The following P4HB variants were observed in gnomAD, a reference collection of about 807,000 sequenced individuals.
P4HB encodes protein disulfide-isomerase.
In P4HB, 20 loss-of-function variants were observed where a neutral mutation model predicts 52.6. The observed-to-expected ratio is 0.38, with a 90% CI of 0.27 to 0.55. The LOEUF is 0.55. P4HB is among the 20% of genes least tolerant of loss of function. The probability of loss-of-function intolerance (pLI) is 0.74; values close to 1 mark genes in which losing one functional copy is unlikely to be tolerated. For missense variants in P4HB, 601 were observed against 669.2 expected (o/e 0.90, Z 1.12); for synonymous variants, 296 against 277.9 (o/e 1.07, Z -0.65).
intron 4 of P4HB, 149 bp from the exon 5 acceptor site, chr17:81,847,496 A>T: frequency 1.5e-6 from 1 of 680,800 alleles, no homozygotes; most frequent in South Asian, 1.6e-5. Flanking sequence ...TGGGTACAGG[A>T]CATGGCTGTT....
chr17:81,850,079 C>T (rs527298248), intron 4 of P4HB, among the ~76,000 whole-genome samples: 42 of 151,666 alleles, frequency 2.8e-4, no homozygotes, highest in Admixed American at 1.7e-3. Context: ...CCACTTGCCT[C>T]GGCCTCCTAA....
chr17:81,851,079 C>T (rs183772241), intron 4 of P4HB, among the ~76,000 whole-genome samples: 2,135 of 152,054 alleles, frequency 0.014, 48 homozygotes, highest in African/African-American at 0.049. Context: ...TACAGGTGCC[C>T]GCCACCACGC....
chr17:81,851,081 C>A (rs1334609275), intron 4 of P4HB, among the ~76,000 whole-genome samples: 1 of 152,230 alleles, frequency 6.6e-6, no homozygotes, highest in South Asian at 2.1e-4. Context: ...CAGGTGCCCG[C>A]CACCACGCCC....
chr17:81,853,567 CTG>C (rs1370177171), intron 4 of P4HB, among the ~76,000 whole-genome samples: 2 of 151,486 alleles, frequency 1.3e-5, no homozygotes, highest in Non-Finnish European at 2.9e-5. Flanking sequence ...GAGACAGACT[CTG>C]TCTCAAAAAA....
At chr17:81,859,937 CTCT>C (rs566918560) in intron 1 of P4HB, 291 of 190,374 alleles carry the variant, frequency 1.5e-3, no homozygotes, top group African/African-American at 6.0e-3. Context: ...TGGGATTCTC[CTCT>C]GAGACACCAT....
intron 4 of P4HB, among the ~76,000 whole-genome samples, chr17:81,848,135 C>T (rs1056301465): frequency 9.2e-5 from 14 of 152,154 alleles, no homozygotes; most frequent in African/African-American, 2.4e-4. Flanking sequence ...CTCCTTACCT[C>T]GTGATCTGCC....
Position 81,846,320 on chromosome 17 carries a change from A to T in P4HB, c.1056+109T>A. 2 of 1,035,672 alleles carry T rather than the reference A, an allele frequency of 1.9e-6. No homozygotes were observed. Among genetic ancestry groups the T allele is most frequent in the Non-Finnish European group, 1.5e-6 (1 of 681,046 alleles). 64.2% of individuals were successfully genotyped at this position (1,035,672 alleles called of 1,614,324 possible). A position where few individuals can be genotyped will look rare whatever the true frequency, so the allele number is the denominator to read the frequency against. On this transcript the variant is annotated intron_variant, in intron 7 of 10. Transcript: ENST00000331483. This position sits in a 1 kb window ranked among gnomAD's most constrained non-coding sequence, Gnocchi z 5.7. ...ACACCATCTTGGGCTCCGTCCTCTT[A>T]CTCTGAAGATCTTACTTTGAGGACG... is the stretch of plus-strand genomic sequence containing the variant.
In P4HB at chr17:81,855,304, G is replaced by A. The variant is rs188698285; in HGVS notation, c.487-25C>T. On this transcript the variant is annotated intron_variant, in intron 3 of 10. Coordinates refer to ENST00000331483, the MANE Select transcript of P4HB (RefSeq NM_000918.4). The surrounding 1 kb of genome is among the most constrained non-coding windows in gnomAD (Gnocchi z 4.3). The stretch of plus-strand genomic sequence containing the variant: ...CCTGAATGAGGAGGGAGAAGCAGAG[G>A]TCGTCATGATCCCGCAGCACCAAGC... The A allele has an allele frequency of 4.8e-5, 77 of 1,613,526 alleles. No homozygotes were observed. The Admixed American group carries it at 1.0e-3, about 21-fold the overall frequency.
Position 81,843,896 on chromosome 17 carries a change from C to G in P4HB, c.*116G>C. On this transcript the variant is annotated 3_prime_UTR_variant, in exon 11 of 11. Transcript: ENST00000331483. ...TGAGGTGTCACTTCAGAGAGGTTCC[C>G]TGGGTTTCCGGCGACGCCCTCCTTC... 1.3e-6 allele frequency: 1 copy of G among 779,658 alleles called. No individual in the cohort carries two copies. Among genetic ancestry groups the G allele is most frequent in the Non-Finnish European group, 2.3e-6 (1 of 434,190 alleles). The allele number at this position is 779,658 out of a possible 1,614,324, so 48.3% of individuals were successfully genotyped here.
At position 81,845,854 on chromosome 17, in the gene P4HB, G is replaced by T. The variant is rs201775800; in HGVS notation, c.1177+17C>A. 1.9e-6 allele frequency: 3 copies of T among 1,614,048 alleles called. No individual in the cohort carries two copies. In the East Asian group the frequency reaches 6.7e-5, roughly 36 times the overall value. ...CCTGGTGGCACGGACCTGGGGAGCT[G>T]AAAGGGCAACACTTACAGAACTCCA... is the stretch of plus-strand genomic sequence containing the variant. On this transcript the variant is annotated intron_variant, in intron 8 of 10. Transcript: ENST00000331483.
In P4HB at chr17:81,860,316, C is replaced by G; in HGVS notation, c.145+11G>C. 1 of 1,451,472 alleles carries G rather than the reference C, an allele frequency of 6.9e-7. No individual in the cohort carries two copies. Among genetic ancestry groups the G allele is most frequent in the Admixed American group, 2.7e-5 (1 of 37,464 alleles). 89.9% of individuals were successfully genotyped at this position (1,451,472 alleles called of 1,614,324 possible). A position where few individuals can be genotyped will look rare whatever the true frequency, so the allele number is the denominator to read the frequency against. ...CCCGAGCCCCGCCCGCCCGCCAGGC[C>G]CGGCGCTCACAGAACTCCACCAGCA... On this transcript the variant is annotated intron_variant, in intron 1 of 10. Coordinates refer to ENST00000331483, the MANE Select transcript of P4HB (RefSeq NM_000918.4).
intron 4 of P4HB, among the ~76,000 whole-genome samples, chr17:81,850,364 G>A (rs1024349359): frequency 1.1e-4 from 17 of 152,006 alleles, no homozygotes; most frequent in Admixed American, 5.9e-4. Flanking sequence ...TTGAACTCCC[G>A]ACCTCAGGTG....
chr17:81,859,568 G>A (rs1432404643), intron 1 of P4HB, 181 bp from the exon 2 acceptor site: 1 of 606,644 alleles, frequency 1.6e-6, no homozygotes, highest in Admixed American at 2.9e-5. Flanking sequence ...GGCAATATCA[G>A]GACAGAGGCC....
intron 4 of P4HB, among the ~76,000 whole-genome samples, chr17:81,851,090 C>T (rs1036403925): frequency 6.6e-6 from 1 of 152,030 alleles, no homozygotes; most frequent in Non-Finnish European, 1.5e-5. Context: ...GCCACCACGC[C>T]CGGCTAATTT....
rs201329193 is a variant in P4HB at position 81,843,947 on chromosome 17, G to A, written c.*65C>T. On this transcript the variant is annotated 3_prime_UTR_variant, in exon 11 of 11. Coordinates refer to ENST00000331483, the MANE Select transcript of P4HB (RefSeq NM_000918.4). The stretch of plus-strand genomic sequence containing the variant: ...AAGCGAGGCCGCAGGCTTCGGAGGC[G>A]TGCGCTGCTGCTGGGTGTGCAGCCC... 2.7e-5 allele frequency: 32 copies of A among 1,197,488 alleles called. No homozygotes were observed. The highest frequency in any genetic ancestry group is 1.0e-4 in the Admixed American group (6 of 59,436). 74.2% of individuals were successfully genotyped at this position (1,197,488 alleles called of 1,614,324 possible). A position where few individuals can be genotyped will look rare whatever the true frequency, so the allele number is the denominator to read the frequency against.
intron 2 of P4HB, chr17:81,858,856 A>C: frequency 3.2e-6 from 1 of 316,342 alleles, no homozygotes. Context: ...GCTCCTAGGA[A>C]CAGGGGGCAG....
intron 2 of P4HB, chr17:81,858,861 G>A (rs901585108): frequency 1.5e-5 from 5 of 332,282 alleles, no homozygotes; most frequent in Non-Finnish European, 2.9e-5. Flanking sequence ...TAGGAACAGG[G>A]GGCAGCACAA....
intron 1 of P4HB, 26 bp downstream of exon 1, chr17:81,860,297 CCCCG>C (rs1478375418): frequency 1.3e-5 from 18 of 1,412,482 alleles, no homozygotes; most frequent in Middle Eastern, 1.9e-4. Flanking sequence ...CGGCCCCGAG[CCCCG>C]CCCGCCCGCC....
rs200313631 is a variant in P4HB at position 81,846,999 on chromosome 17, T to C, written c.803A>G (p.Tyr268Cys). Residue 268 changes from tyrosine to cysteine, a missense_variant, in exon 6 of 11, where the codon TAT becomes TGT. Transcript: ENST00000331483. This position sits in a 1 kb window ranked among gnomAD's most constrained non-coding sequence, Gnocchi z 5.7. ...TTTGAAGTTGCTCAGTTTGCCGTCATAGTCAGACACACTCTTGGGCAAGAA... is the reference window on the plus strand; with the variant it reads ...TTTGAAGTTGCTCAGTTTGCCGTCACAGTCAGACACACTCTTGGGCAAGAA... ...LLFLPKSVSD[Y>C]DGKLSNFKTA... 110 of 1,614,002 alleles carry C rather than the reference T, an allele frequency of 6.8e-5. No homozygotes were observed. The highest frequency in any genetic ancestry group is 8.4e-5 in the Non-Finnish European group (99 of 1,180,032).
Sources: allele counts gnomAD v4.1 joint callset (sites outside exome capture counted in the v4.1 genomes callset), GRCh38; gene constraint gnomAD v4.1.1; non-coding constraint Gnocchi (gnomAD v3.1); transcripts MANE v1.5; gene names NCBI Gene and HGNC (gene_info 2026-07-23, HGNC 2026-07-21).